The following PDE2A variants were observed in gnomAD, a reference collection of about 807,000 sequenced individuals.
PDE2A encodes cGMP-dependent 3',5'-cyclic phosphodiesterase.
PDE2A carries 53 observed loss-of-function variants against 133.6 expected under a neutral mutation model. The ratio of observed to expected loss-of-function variants is 0.40; its 90% CI spans 0.32 to 0.50. The LOEUF is 0.50. Among genes scored for constraint, PDE2A ranks in the 20% least tolerant of loss-of-function variants. The pLI, the probability that PDE2A is intolerant of heterozygous loss-of-function variation, is 0.73. For missense variants in PDE2A, 796 were observed against 1,232.4 expected (o/e 0.65, Z 5.30); for synonymous variants, 491 against 490.2 (o/e 1.00, Z -0.02).
chr11:72,638,496 G>A lies in PDE2A; in HGVS notation c.144+3758C>T, dbSNP rs115796094. On this transcript the variant is annotated intron_variant, in intron 2 of 30. Transcript: ENST00000334456. Reference sequence around the variant, plus strand: ...CAGCACCAGAGGGTGCACATGCGGAGCCCCACAGAACCAGGCGCCCCAGAC... The same window carrying A: ...CAGCACCAGAGGGTGCACATGCGGAACCCCACAGAACCAGGCGCCCCAGAC... Among the ~76,000 whole-genome samples the A allele has an allele frequency of 4.2e-3, 635 of 152,264 alleles. 3 individuals are homozygous for A. The highest frequency in any genetic ancestry group is 0.015 in the African/African-American group (605 of 41,552).
intron 4 of PDE2A, among the ~76,000 whole-genome samples, chr11:72,602,788 G>A (rs866839264): frequency 2.6e-5 from 4 of 152,208 alleles, no homozygotes; most frequent in Admixed American, 6.5e-5. Flanking sequence ...GAGAGACAGG[G>A]AGGGGGCTGA....
chr11:72,591,033 G>A, intron 7 of PDE2A: 1 of 464,602 alleles, frequency 2.2e-6, no homozygotes, highest in Non-Finnish European at 3.8e-6. Flanking sequence ...AAAATTGTAA[G>A]TTGGCAACCG....
intron 1 of PDE2A, among the ~76,000 whole-genome samples, chr11:72,653,345 C>T (rs1854799571): frequency 1.3e-5 from 2 of 152,168 alleles, no homozygotes; most frequent in Admixed American, 6.5e-5. Flanking sequence ...CAGTGAAAGG[C>T]AGAGACACCA....
At chr11:72,577,632 A>G (rs1267107591) in intron 30 of PDE2A, 38 bp from the exon 31 acceptor site, 21 of 1,446,666 alleles carry the variant, frequency 1.5e-5, no homozygotes, top group Non-Finnish European at 1.8e-5. Flanking sequence ...AGAGGCCAGA[A>G]ATCAGACCAT....
intron 22 of PDE2A, 37 bp downstream of exon 22, chr11:72,581,840 G>C: frequency 1.3e-6 from 2 of 1,587,606 alleles, no homozygotes; most frequent in Middle Eastern, 3.5e-4. Context: ...GAGGAAAGAG[G>C]GAGGCGAAGA....
At chr11:72,616,133 G>T (rs1435950568) in intron 2 of PDE2A, among the ~76,000 whole-genome samples, 1 of 152,186 alleles carries the variant, frequency 6.6e-6, no homozygotes, top group Admixed American at 6.5e-5. Context: ...TGTCCCGCTG[G>T]GTCAGTGTCA....
At chr11:72,589,388 G>T (rs1856128113) in intron 11 of PDE2A, 148 bp from the exon 12 acceptor site, 2 of 673,586 alleles carry the variant, frequency 3.0e-6, no homozygotes, top group South Asian at 3.4e-5. Context: ...AGCAGAGATG[G>T]AGGGGAGTCT....
chr11:72,585,904 G>C (rs1410281822), intron 14 of PDE2A, among the ~76,000 whole-genome samples, 166 bp downstream of exon 14: 1 of 152,184 alleles, frequency 6.6e-6, no homozygotes, highest in Admixed American at 6.5e-5. Context: ...GGGCAGTGGC[G>C]CGGGTCCTGA....
intron 5 of PDE2A, 134 bp from the exon 6 acceptor site, chr11:72,596,782 C>G: frequency 2.2e-6 from 1 of 446,134 alleles, no homozygotes; most frequent in Non-Finnish European, 3.9e-6. Context: ...GACCCCAAAA[C>G]CCACAGAAAC....
At chr11:72,638,080 G>A (rs1054064177) in intron 2 of PDE2A, among the ~76,000 whole-genome samples, 5 of 152,074 alleles carry the variant, frequency 3.3e-5, no homozygotes, top group African/African-American at 7.2e-5. Flanking sequence ...TCGTTTACCC[G>A]CCGCAGGCAG....
In PDE2A at chr11:72,576,983, A is replaced by G; in HGVS notation, c.*401T>C. The G allele has an allele frequency of 5.1e-6, 1 of 194,462 alleles. No individual in the cohort carries two copies. The allele number at this position is 194,462 out of a possible 1,614,324, so 12.0% of individuals were successfully genotyped here. ...AGATGTCTCACCTTCCCCTTCCATG[A>G]GGATCCTGGAGACCCCAAAGGGTGG... On this transcript the variant is annotated 3_prime_UTR_variant, in exon 31 of 31. Coordinates refer to ENST00000334456, the MANE Select transcript of PDE2A (RefSeq NM_002599.5).
At position 72,591,071 on chromosome 11, in the gene PDE2A, T is replaced by TACAAG. The variant is rs571595430; in HGVS notation, c.549+225_549+226insCTTGT. 2.1e-3 allele frequency: 1,129 copies of TACAAG among 533,582 alleles called. 14 individuals carry two copies. The highest frequency in any genetic ancestry group is 0.018 in the South Asian group (676 of 38,012). The allele number at this position is 533,582 out of a possible 1,614,324, so 33.1% of individuals were successfully genotyped here. On this transcript the variant is annotated intron_variant, in intron 7 of 30. Transcript: ENST00000334456. ...TGTATTTACAAGATATTTGACCAGTTTTGTTTCACCACTGCCCTAGGTCAG... is the reference window on the plus strand; with the variant it reads ...TGTATTTACAAGATATTTGACCAGTTACAAGTTGTTTCACCACTGCCCTAGGTCAG...
chr11:72,588,649 C>A, intron 13 of PDE2A, 135 bp downstream of exon 13: 1 of 785,074 alleles, frequency 1.3e-6, no homozygotes, highest in Non-Finnish European at 2.0e-6. Context: ...TTCTCTTGCA[C>A]TAACACACTG....
intron 2 of PDE2A, among the ~76,000 whole-genome samples, chr11:72,638,784 C>T (rs543807696): frequency 6.6e-6 from 1 of 152,332 alleles, no homozygotes; most frequent in South Asian, 2.1e-4. Flanking sequence ...GAAGATAATT[C>T]CAGCCAGAGA....
intron 3 of PDE2A, 96 bp downstream of exon 3, chr11:72,608,566 C>T: frequency 2.9e-6 from 2 of 695,306 alleles, no homozygotes; most frequent in Non-Finnish European, 5.2e-6. Flanking sequence ...GACCCTGCCT[C>T]TTCCTTCCTC....
At chr11:72,625,798 C>T (rs1346869075) in intron 2 of PDE2A, among the ~76,000 whole-genome samples, 1 of 152,256 alleles carries the variant, frequency 6.6e-6, no homozygotes, top group Non-Finnish European at 1.5e-5. Flanking sequence ...AGCAAGGGCG[C>T]TGCCAAGCTC....
chr11:72,594,191 G>A (rs1373971276), intron 6 of PDE2A, among the ~76,000 whole-genome samples: 1 of 152,232 alleles, frequency 6.6e-6, no homozygotes, highest in Non-Finnish European at 1.5e-5. Flanking sequence ...ATGGATGAGG[G>A]GGTGGATGGG....
chr11:72,628,824 C>T (rs1858220786), intron 2 of PDE2A, among the ~76,000 whole-genome samples: 1 of 152,234 alleles, frequency 6.6e-6, no homozygotes, highest in African/African-American at 2.4e-5. Flanking sequence ...GCCCCTCAGG[C>T]TCCCAGTCCC....
rs1418380107 is a variant in PDE2A, at chr11:72,589,248, G to T, written c.874-8C>A. The T allele has an allele frequency of 6.2e-7, 1 of 1,611,216 alleles. No homozygotes were observed. The highest frequency in any genetic ancestry group is 8.5e-7 in the Non-Finnish European group (1 of 1,177,822). On this transcript the variant is annotated splice_region_variant and splice_polypyrimidine_tract_variant and intron_variant, in intron 11 of 30. Coordinates refer to ENST00000334456, the MANE Select transcript of PDE2A (RefSeq NM_002599.5). Reference sequence around the variant, plus strand: ...GCCCAGGCATCCTGTCAACTAGGGGGTGAGGAGAGACTGAGTCAGGGCCCA... The same window carrying T: ...GCCCAGGCATCCTGTCAACTAGGGGTTGAGGAGAGACTGAGTCAGGGCCCA...
Sources: gnomAD v4.1 joint callset for allele counts (sites outside exome capture counted in the v4.1 genomes callset) on GRCh38, gnomAD v4.1.1 for gene constraint, MANE v1.5 for transcripts, NCBI Gene and HGNC (gene_info 2026-07-23, HGNC 2026-07-21) for gene names.